SLIT3: variants seen among roughly 807,000 people sequenced by gnomAD.
SLIT3 encodes slit homolog 3 protein.
In SLIT3, 68 loss-of-function variants were observed where a neutral mutation model predicts 184.0. The observed-to-expected ratio is 0.37, with a 90% CI of 0.30 to 0.45. The LOEUF (loss-of-function observed/expected upper bound fraction) is 0.45. SLIT3 is among the 20% of genes least tolerant of loss of function. The pLI is 1.00. For missense variants in SLIT3, 1,707 were observed against 2,026.0 expected, an observed-to-expected ratio of 0.84 and a Z score of 3.02; for synonymous variants, 831 against 828.6, an observed-to-expected ratio of 1.00 and a Z score of -0.05.
intron 23 of SLIT3, chr5:168,720,747 C>T (rs1762917378): frequency 6.6e-6 from 1 of 152,204 alleles, no homozygotes; most frequent in Non-Finnish European, 1.5e-5. Context: ...AGATTGCACA[C>T]TGTCAGCGCG....
intron 32 of SLIT3, among the ~76,000 whole-genome samples, chr5:168,677,669 G>A (rs528084579): frequency 2.6e-5 from 4 of 152,286 alleles, no homozygotes; most frequent in Admixed American, 2.0e-4. Flanking sequence ...GGCTGTTCTT[G>A]AACTCCTGAC....
intron 4 of SLIT3, among the ~76,000 whole-genome samples, chr5:169,129,667 A>G (rs535331198): frequency 1.3e-5 from 2 of 152,342 alleles, no homozygotes; most frequent in South Asian, 2.1e-4. Flanking sequence ...CTGTCACAGT[A>G]AAGAGACTGA....
At chr5:168,907,944 G>GTATATATATA (rs1224392381) in intron 4 of SLIT3, among the ~76,000 whole-genome samples, 4 of 53,116 alleles carry the variant, frequency 7.5e-5, no homozygotes, top group Admixed American at 2.3e-4. Flanking sequence ...TATTATACGT[G>GTATATATATA]TATATATATA....
At position 168,666,480 on chromosome 5, in the gene SLIT3, C is replaced by T. The variant is rs768138718; in HGVS notation, c.4546G>A (p.Glu1516Lys). Residue 1516 changes from glutamate to lysine, a missense_variant, in exon 36 of 36, where the codon GAG becomes AAG. Physicochemically the swap from Glu to Lys is moderately conservative, Grantham distance 56 (BLOSUM62 1). This residue lies in a region of SLIT3 where 387 missense variants were observed against 477.9 expected (regional missense o/e 0.81). Coordinates refer to ENST00000519560, the MANE Select transcript of SLIT3 (RefSeq NM_003062.4). ...TAGGAACACGCGAGGCAGCCGCACT[C>T]TAAGTGTCTCTCCACCTCTTCTACA... ...SFVEEVERHL[E>K]CGCLACS 1.3e-6 allele frequency: 2 copies of T among 1,593,682 alleles called. No homozygotes were observed. Among genetic ancestry groups the T allele is most frequent in the East Asian group, 2.2e-5 (1 of 44,596 alleles).
intron 4 of SLIT3, among the ~76,000 whole-genome samples, chr5:168,964,815 C>T (rs1200911848): frequency 6.6e-6 from 1 of 152,232 alleles, no homozygotes; most frequent in African/African-American, 2.4e-5. Flanking sequence ...ATAAGGCATG[C>T]CTGCTCTGTA....
chr5:169,098,720 C>T (rs967745481), intron 4 of SLIT3, among the ~76,000 whole-genome samples: 9 of 151,982 alleles, frequency 5.9e-5, no homozygotes, highest in Admixed American at 1.3e-4. Context: ...CTGATGAAGA[C>T]GTCATTTGAT....
intron 4 of SLIT3, among the ~76,000 whole-genome samples, chr5:168,919,815 T>C (rs1761579573): frequency 6.6e-6 from 1 of 152,180 alleles, no homozygotes; most frequent in Non-Finnish European, 1.5e-5. Context: ...TTCTACACAT[T>C]TGTCATTTCA....
chr5:168,793,403 C>T (rs540107131), intron 10 of SLIT3, among the ~76,000 whole-genome samples: 2 of 152,282 alleles, frequency 1.3e-5, no homozygotes, highest in Admixed American at 1.3e-4. Context: ...CCCTACCTCT[C>T]CCAAACCATT....
At chr5:169,114,832 CATT>C (rs1229633603) in intron 4 of SLIT3, among the ~76,000 whole-genome samples, 7 of 152,362 alleles carry the variant, frequency 4.6e-5, no homozygotes, top group Middle Eastern at 3.4e-3. Context: ...TACCCACTGA[CATT>C]ATAGCTGGCA....
At chr5:168,925,156 T>C (rs1761774798) in intron 4 of SLIT3, among the ~76,000 whole-genome samples, 1 of 152,184 alleles carries the variant, frequency 6.6e-6, no homozygotes, top group Non-Finnish European at 1.5e-5. Flanking sequence ...GTCCAACAAT[T>C]TGGTAAGCAT....
At chr5:169,191,405 G>A (rs297894) in intron 4 of SLIT3, among the ~76,000 whole-genome samples, 84,521 of 151,960 alleles carry the variant, frequency 0.56, 25,003 homozygotes, top group African/African-American at 0.77. Flanking sequence ...ATTTACCTCA[G>A]TGCTTGTTGC....
At chr5:168,784,560 C>T (rs752333000) in intron 12 of SLIT3, among the ~76,000 whole-genome samples, 9 of 152,158 alleles carry the variant, frequency 5.9e-5, no homozygotes, top group South Asian at 2.1e-4. Flanking sequence ...CACATTAGTG[C>T]GTGTTCTGGG....
At chr5:168,796,181 G>T (rs1159288962) in intron 9 of SLIT3, among the ~76,000 whole-genome samples, 2 of 152,040 alleles carry the variant, frequency 1.3e-5, no homozygotes, top group Non-Finnish European at 2.9e-5. Flanking sequence ...GGCCCAGACT[G>T]GACCACTCCC....
At chr5:168,998,046 C>G (rs1172466404) in intron 4 of SLIT3, among the ~76,000 whole-genome samples, 1 of 152,012 alleles carries the variant, frequency 6.6e-6, no homozygotes, top group Admixed American at 6.6e-5. Context: ...ATATTCAAAG[C>G]CAGGTGGAAG....
intron 4 of SLIT3, among the ~76,000 whole-genome samples, chr5:169,123,904 T>C (rs1244753911): frequency 1.3e-5 from 2 of 152,174 alleles, no homozygotes; most frequent in Non-Finnish European, 2.9e-5. Context: ...TATGGCAGTG[T>C]TATGAGAAAG....
chr5:169,150,305 C>T (rs979675319), intron 4 of SLIT3, among the ~76,000 whole-genome samples: 1 of 152,122 alleles, frequency 6.6e-6, no homozygotes, highest in Non-Finnish European at 1.5e-5. Context: ...GCCTTGTGTG[C>T]TTGCCATGAT....
intron 14 of SLIT3, among the ~76,000 whole-genome samples, chr5:168,764,602 G>A (rs944626069): frequency 2.6e-5 from 4 of 152,164 alleles, no homozygotes; most frequent in African/African-American, 9.7e-5. Context: ...TGCCTTCTGT[G>A]ATTTCCTTGT....
chr5:169,268,319 A>C (rs1399281752), intron 1 of SLIT3, among the ~76,000 whole-genome samples: 1 of 152,174 alleles, frequency 6.6e-6, no homozygotes, highest in Non-Finnish European at 1.5e-5. Context: ...GCCGAGTGAC[A>C]CGCAGGAAAT....
intron 4 of SLIT3, among the ~76,000 whole-genome samples, chr5:169,162,333 G>C (rs1762507459): frequency 6.6e-6 from 1 of 152,184 alleles, no homozygotes; most frequent in Admixed American, 6.5e-5. Context: ...CAGGAGACTG[G>C]GATGCACAGA....
Sources: gnomAD v4.1 joint callset for allele counts (sites outside exome capture counted in the v4.1 genomes callset) on GRCh38, gnomAD v4.1.1 for gene constraint, gnomAD v4.1.1 regional missense constraint, MANE v1.5 for transcripts, NCBI Gene and HGNC (gene_info 2026-07-23, HGNC 2026-07-21) for gene names.